Variants in ERBB4 observed in about 807,000 individuals in gnomAD.
The protein encoded by ERBB4 is receptor tyrosine-protein kinase erbB-4.
A neutral mutation model predicts 158.0 loss-of-function variants in ERBB4; 42 were observed. That is an observed-to-expected ratio of 0.27 (90% confidence interval 0.21 to 0.34). The LOEUF is 0.34. ERBB4 is among the 10% of genes least tolerant of loss of function. ERBB4 has a pLI of 1.00. For missense variants in ERBB4, 1,333 were observed against 1,624.1 expected, an observed-to-expected ratio of 0.82 and a Z score of 3.08; for synonymous variants, 583 against 558.7, an observed-to-expected ratio of 1.04 and a Z score of -0.61.
intron 1 of ERBB4, among the ~76,000 whole-genome samples, chr2:212,298,279 G>A (rs1435045442): frequency 1.3e-5 from 2 of 151,628 alleles, no homozygotes; most frequent in Non-Finnish European, 2.9e-5. Flanking sequence ...GAAATGCTTT[G>A]TATGTGCTTT....
chr2:212,106,235 A>C (rs2125529051), intron 2 of ERBB4, among the ~76,000 whole-genome samples: 1 of 152,338 alleles, frequency 6.6e-6, no homozygotes, highest in South Asian at 2.1e-4. Context: ...AATGGGTTTG[A>C]CCAAAATGCT....
intron 2 of ERBB4, among the ~76,000 whole-genome samples, chr2:212,008,887 T>C (rs961832581): frequency 7.2e-5 from 11 of 152,152 alleles, no homozygotes; most frequent in Admixed American, 1.3e-4. Context: ...TGGCAGCTGC[T>C]CTGACTTAGA....
In ERBB4 at chr2:212,136,122, C is replaced by T. The variant is rs113499172; in HGVS notation, c.83-11219G>A. 6.9e-3 allele frequency among the ~76,000 whole-genome samples: 1,057 copies of T among 152,238 alleles called. 7 individuals carry two copies. The highest frequency in any genetic ancestry group is 0.024 in the Middle Eastern group (7 of 294). ...CCTTTGCCATTCACTGTAATTAAAG[C>T]GGCAGTGTGTGGGATATTTTTCCTG... On this transcript the variant is annotated intron_variant, in intron 1 of 27. Transcript: ENST00000342788.
chr2:211,536,133 C>T (rs971704903), intron 20 of ERBB4, among the ~76,000 whole-genome samples: 2 of 151,912 alleles, frequency 1.3e-5, no homozygotes, highest in Non-Finnish European at 2.9e-5. Flanking sequence ...TCTTCCTGCC[C>T]TAGCCCTTTG....
chr2:211,808,077 G>T (rs538561254), intron 3 of ERBB4, among the ~76,000 whole-genome samples: 20 of 152,252 alleles, frequency 1.3e-4, no homozygotes, highest in Admixed American at 8.5e-4. Flanking sequence ...TCTGTAGGTT[G>T]CCTGTTCACT....
chr2:212,053,299 C>G (rs2077454648), intron 2 of ERBB4, among the ~76,000 whole-genome samples: 1 of 152,150 alleles, frequency 6.6e-6, no homozygotes, highest in Non-Finnish European at 1.5e-5. Flanking sequence ...AATAATAAAT[C>G]AGAAGTCATA....
At chr2:212,391,730 T>G (rs2090874708) in intron 1 of ERBB4, among the ~76,000 whole-genome samples, 1 of 141,716 alleles carries the variant, frequency 7.1e-6, no homozygotes. Flanking sequence ...ATATTATATA[T>G]ATGACATATA....
intron 1 of ERBB4, among the ~76,000 whole-genome samples, chr2:212,147,385 C>G (rs1413140636): frequency 2.0e-5 from 3 of 151,620 alleles, no homozygotes; most frequent in Admixed American, 6.6e-5. Context: ...AAGATTTAAT[C>G]CAGCATCATT....
chr2:212,268,875 T>C (rs1329313246), intron 1 of ERBB4, among the ~76,000 whole-genome samples: 3 of 151,854 alleles, frequency 2.0e-5, no homozygotes, highest in African/African-American at 4.8e-5. Context: ...TTGTCACACT[T>C]TGTTCCTTTT....
intron 1 of ERBB4, among the ~76,000 whole-genome samples, chr2:212,256,480 G>A (rs1182080530): frequency 1.3e-5 from 2 of 152,082 alleles, no homozygotes; most frequent in Admixed American, 6.6e-5. Context: ...TTACCAAAAT[G>A]GAAATGGGAA....
In ERBB4 at chr2:212,264,688, TTAAG is replaced by T. The variant is rs1023159988; in HGVS notation, c.83-139789_83-139786del. On this transcript the variant is annotated intron_variant, in intron 1 of 27. Coordinates refer to ENST00000342788, the MANE Select transcript of ERBB4 (RefSeq NM_005235.3). ...ATTCATAAATATTATAAAATGGGAA[TTAAG>T]TTTCTCTCATATTTTATTTTATGTC... Among the ~76,000 whole-genome samples the T allele has an allele frequency of 2.8e-4, 42 of 152,172 alleles. 1 individual carries two copies. Among genetic ancestry groups the T allele is most frequent in the African/African-American group, 9.2e-4 (38 of 41,460 alleles).
At chr2:211,632,059 T>C (rs1213230095) in intron 16 of ERBB4, among the ~76,000 whole-genome samples, 1 of 152,032 alleles carries the variant, frequency 6.6e-6, no homozygotes, top group African/African-American at 2.4e-5. Context: ...GACTGCTATA[T>C]TGTCATATAA....
At chr2:211,728,765 C>CAGAT (rs1180808410) in intron 5 of ERBB4, among the ~76,000 whole-genome samples, 2 of 151,802 alleles carry the variant, frequency 1.3e-5, no homozygotes, top group Admixed American at 6.6e-5. Context: ...TAATCATAGA[C>CAGAT]AGATATGTCT....
chr2:212,072,549 G>A (rs144660313), intron 2 of ERBB4, among the ~76,000 whole-genome samples: 2 of 152,098 alleles, frequency 1.3e-5, no homozygotes, highest in African/African-American at 4.8e-5. Flanking sequence ...GGAGAAAGAT[G>A]TATACTTGCC....
In ERBB4 at chr2:212,320,523, A is replaced by AC. The variant is rs888217593; in HGVS notation, c.83-195621_83-195620insG. ...ATGTATTTACATGACAGAAAAAAAA[A>AC]AACAACACAAGATTCTGGCTATTAT... On this transcript the variant is annotated intron_variant, in intron 1 of 27. Transcript: ENST00000342788. Among the ~76,000 whole-genome samples the AC allele has an allele frequency of 4.7e-5, 7 of 148,970 alleles. 1 individual carries two copies. Among genetic ancestry groups the AC allele is most frequent in the Non-Finnish European group, 7.5e-5 (5 of 66,456 alleles).
At chr2:212,341,113 G>A (rs989950961) in intron 1 of ERBB4, among the ~76,000 whole-genome samples, 18 of 151,772 alleles carry the variant, frequency 1.2e-4, no homozygotes, top group South Asian at 2.1e-4. Context: ...ACAAAGAGCT[G>A]AAAATAAATA....
chr2:211,537,851 C>T (rs1264660502), intron 20 of ERBB4, among the ~76,000 whole-genome samples: 3 of 151,876 alleles, frequency 2.0e-5, no homozygotes, highest in African/African-American at 4.8e-5. Flanking sequence ...ACAAAAGAAA[C>T]TTCCGTATAA....
At chr2:212,203,700 T>C (rs1019048706) in intron 1 of ERBB4, among the ~76,000 whole-genome samples, 6 of 152,178 alleles carry the variant, frequency 3.9e-5, no homozygotes, top group Admixed American at 2.0e-4. Context: ...AGCCTAAACA[T>C]ATATTTTAAT....
intron 25 of ERBB4, among the ~76,000 whole-genome samples, chr2:211,410,061 G>T (rs2063226255): frequency 6.6e-6 from 1 of 152,086 alleles, no homozygotes; most frequent in African/African-American, 2.4e-5. Flanking sequence ...AGAAAATCTA[G>T]TGGAAACATA....
Sources: gnomAD v4.1 joint callset for allele counts (sites outside exome capture counted in the v4.1 genomes callset) on GRCh38, gnomAD v4.1.1 for gene constraint, MANE v1.5 for transcripts, NCBI Gene and HGNC (gene_info 2026-07-23, HGNC 2026-07-21) for gene names.